Variants in UNC5D observed in about 807,000 individuals in gnomAD.
UNC5D encodes netrin receptor UNC5D.
UNC5D carries 39 observed loss-of-function variants against 105.4 expected under a neutral mutation model. The ratio of observed to expected loss-of-function variants is 0.37; its 90% CI spans 0.29 to 0.48. The LOEUF (loss-of-function observed/expected upper bound fraction) is 0.48. Ranked by LOEUF, UNC5D falls within the 20% of genes least tolerant of loss-of-function variation. UNC5D has a pLI of 0.98. For missense variants in UNC5D, 991 were observed against 1,202.4 expected (o/e 0.82, Z 2.60); for synonymous variants, 452 against 450.4 (o/e 1.00, Z -0.04).
intron 4 of UNC5D, among the ~76,000 whole-genome samples, chr8:35,652,915 ATTT>A (rs34611902): frequency 1.2e-3 from 57 of 49,148 alleles, no homozygotes; most frequent in African/African-American, 5.0e-3. Flanking sequence ...ACAAGTGAGG[ATTT>A]TTTTTTTTTT....
intron 1 of UNC5D, among the ~76,000 whole-genome samples, chr8:35,293,617 T>C (rs1030535489): frequency 7.2e-5 from 11 of 152,168 alleles, no homozygotes; most frequent in Non-Finnish European, 1.5e-4. Flanking sequence ...CACAATCTCT[T>C]TCGTGATTTC....
intron 4 of UNC5D, among the ~76,000 whole-genome samples, chr8:35,633,463 T>A (rs1368438806): frequency 1.3e-5 from 2 of 152,172 alleles, no homozygotes; most frequent in African/African-American, 4.8e-5. Flanking sequence ...AAATCCTTTT[T>A]TGTACAGGGC....
intron 1 of UNC5D, among the ~76,000 whole-genome samples, chr8:35,485,606 T>G (rs1015704893): frequency 1.3e-5 from 2 of 152,132 alleles, no homozygotes; most frequent in Admixed American, 1.3e-4. Flanking sequence ...GTGGCACAAC[T>G]CGGCAAAATA....
chr8:35,320,844 A>G (rs1809686739), intron 1 of UNC5D, among the ~76,000 whole-genome samples: 1 of 152,062 alleles, frequency 6.6e-6, no homozygotes. Flanking sequence ...CATTCAGTTG[A>G]TTGGGGGGCT....
At chr8:35,438,462 A>C (rs1807175710) in intron 1 of UNC5D, among the ~76,000 whole-genome samples, 1 of 152,068 alleles carries the variant, frequency 6.6e-6, no homozygotes, top group Non-Finnish European at 1.5e-5. Flanking sequence ...GGGCACTATT[A>C]GTAATCATGC....
chr8:35,781,330 T>C (rs1307648807), intron 16 of UNC5D, among the ~76,000 whole-genome samples: 2 of 152,140 alleles, frequency 1.3e-5, no homozygotes, highest in African/African-American at 4.8e-5. Flanking sequence ...CTAAAGGCAA[T>C]ATGGAAAATA....
At chr8:35,640,205 G>T (rs978693345) in intron 4 of UNC5D, among the ~76,000 whole-genome samples, 3 of 151,978 alleles carry the variant, frequency 2.0e-5, no homozygotes, top group Non-Finnish European at 4.4e-5. Flanking sequence ...TACTTTGTAT[G>T]TAACAACGTT....
intron 1 of UNC5D, among the ~76,000 whole-genome samples, chr8:35,368,739 T>G (rs1198268611): frequency 6.6e-6 from 1 of 152,038 alleles, no homozygotes; most frequent in African/African-American, 2.4e-5. Context: ...GGTAATTAGG[T>G]CTGGAAGAGG....
At chr8:35,281,000 C>T (rs957892072) in intron 1 of UNC5D, among the ~76,000 whole-genome samples, 1 of 152,160 alleles carries the variant, frequency 6.6e-6, no homozygotes, top group African/African-American at 2.4e-5. Flanking sequence ...CAGCTTGATG[C>T]CTTTTCCCCG....
intron 1 of UNC5D, among the ~76,000 whole-genome samples, chr8:35,543,324 C>A (rs565843036): frequency 6.6e-6 from 1 of 152,140 alleles, no homozygotes; most frequent in Non-Finnish European, 1.5e-5. Flanking sequence ...TAATTTAGAA[C>A]GTCTCAAAAT....
chr8:35,628,570 T>G (rs1415345920), intron 4 of UNC5D, among the ~76,000 whole-genome samples: 1 of 152,248 alleles, frequency 6.6e-6, no homozygotes, highest in Non-Finnish European at 1.5e-5. Context: ...TCACTGACTT[T>G]TCTTCCTTTC....
intron 4 of UNC5D, among the ~76,000 whole-genome samples, chr8:35,618,460 G>C (rs996523718): frequency 2.0e-5 from 3 of 152,092 alleles, no homozygotes; most frequent in African/African-American, 7.2e-5. Flanking sequence ...AATAATAAAA[G>C]CTAAAGAGAG....
chr8:35,733,195 T>C (rs1424861010), intron 11 of UNC5D, among the ~76,000 whole-genome samples: 1 of 152,216 alleles, frequency 6.6e-6, no homozygotes, highest in African/African-American at 2.4e-5. Context: ...AAAGGCCATT[T>C]ACCTTCCTTG....
chr8:35,489,518 G>A (rs1342127176), intron 1 of UNC5D, among the ~76,000 whole-genome samples: 2 of 152,170 alleles, frequency 1.3e-5, no homozygotes, highest in African/African-American at 4.8e-5. Flanking sequence ...TTTGGACACA[G>A]AAACACTAGG....
chr8:35,443,269 A>G (rs1807557429), intron 1 of UNC5D, among the ~76,000 whole-genome samples: 1 of 151,714 alleles, frequency 6.6e-6, no homozygotes, highest in African/African-American at 2.4e-5. Context: ...TGGGGCATAC[A>G]GAGACTTCTC....
chr8:35,512,738 A>T (rs1812841233), intron 1 of UNC5D, among the ~76,000 whole-genome samples: 1 of 150,594 alleles, frequency 6.6e-6, no homozygotes, highest in African/African-American at 2.4e-5. Context: ...AAATACAGAG[A>T]TGTATCATTC....
Position 35,783,873 on chromosome 8 carries a change from C to CA in UNC5D, c.2658-6480dup, listed in dbSNP as rs75635335. Among the ~76,000 whole-genome samples the CA allele has an allele frequency of 9.1e-3, 1,377 of 152,086 alleles. 83 individuals carry two copies. In the East Asian group the frequency reaches 0.17, roughly 19 times the overall value. ...ATTCTCTACCCCACCTTTATACCTC[C>CA]AAAAAAGAAAACAGAAGGCTCAATA... On this transcript the variant is annotated intron_variant, in intron 16 of 16. Coordinates refer to ENST00000404895, the MANE Select transcript of UNC5D (RefSeq NM_080872.4).
intron 1 of UNC5D, among the ~76,000 whole-genome samples, chr8:35,281,235 A>G (rs1263540252): frequency 3.9e-5 from 6 of 152,026 alleles, no homozygotes; most frequent in African/African-American, 1.4e-4. Context: ...TGACAATGCT[A>G]CATTTTCTCT....
At chr8:35,731,602 G>C (rs1489654777) in intron 11 of UNC5D, among the ~76,000 whole-genome samples, 5 of 151,982 alleles carry the variant, frequency 3.3e-5, no homozygotes, top group Admixed American at 3.3e-4. Context: ...ACAGTTTTAT[G>C]GTCACCAGTC....
Sources: gnomAD v4.1 joint callset for allele counts (sites outside exome capture counted in the v4.1 genomes callset) on GRCh38, gnomAD v4.1.1 for gene constraint, MANE v1.5 for transcripts, NCBI Gene and HGNC (gene_info 2026-07-23, HGNC 2026-07-21) for gene names.